Variants in NEK1 observed in about 807,000 individuals in gnomAD.
NEK1 encodes NIMA related kinase 1, also known as serine/threonine-protein kinase Nek1.
NEK1 carries 137 observed loss-of-function variants against 182.1 expected under a neutral mutation model. The observed-to-expected ratio is 0.75, with a 90% confidence interval of 0.65 to 0.87. The LOEUF (loss-of-function observed/expected upper bound fraction) is 0.87. Ranked by LOEUF, NEK1 falls within the 40% of genes least tolerant of loss-of-function variation. The pLI, the probability that NEK1 is intolerant of heterozygous loss-of-function variation, is 0.00. For synonymous variants in NEK1, 513 were observed against 492.2 expected, an observed-to-expected ratio of 1.04 and a Z score of -0.56; for missense variants, 1,391 against 1,494.4, an observed-to-expected ratio of 0.93 and a Z score of 1.14.
At chr4:169,561,758 A>AG in intron 14 of NEK1, 21 bp from the exon 15 acceptor site, 1 of 1,591,378 alleles carries the variant, frequency 6.3e-7, no homozygotes, top group East Asian at 2.3e-5. Context: ...TTTAAAGACA[A>AG]GCTTCTTACA....
intron 23 of NEK1, among the ~76,000 whole-genome samples, chr4:169,504,257 C>G (rs1252177960): frequency 6.6e-6 from 1 of 152,086 alleles, no homozygotes; most frequent in Non-Finnish European, 1.5e-5. Context: ...AAAGGGAACC[C>G]TCTTACACTC....
At chr4:169,572,751 A>G (rs919906126) in intron 12 of NEK1, among the ~76,000 whole-genome samples, 1 of 152,132 alleles carries the variant, frequency 6.6e-6, no homozygotes, top group South Asian at 2.1e-4. Flanking sequence ...AAATATTTCA[A>G]GAAGGAGGGG....
At chr4:169,565,238 C>G (rs1287321282) in intron 12 of NEK1, among the ~76,000 whole-genome samples, 1 of 152,100 alleles carries the variant, frequency 6.6e-6, no homozygotes, top group Non-Finnish European at 1.5e-5. Context: ...ATATATTTCC[C>G]ATCTGGACTC....
rs149524942 is a variant in NEK1, at chr4:169,408,911, C to A, written c.3223-2164G>T. Among the ~76,000 whole-genome samples the A allele has an allele frequency of 3.9e-3, 594 of 152,228 alleles. 5 individuals are homozygous for A. Among genetic ancestry groups the A allele is most frequent in the South Asian group, 0.029 (141 of 4,822 alleles). On this transcript the variant is annotated intron_variant, in intron 31 of 35. Transcript: ENST00000507142. ...GGTCGTTTCCATATCTTTGCAATTG[C>A]AAATTGTGCTGCTATAAACATGGGT...
chr4:169,529,113 C>A (rs1757307636), intron 19 of NEK1, among the ~76,000 whole-genome samples: 1 of 152,114 alleles, frequency 6.6e-6, no homozygotes, highest in Non-Finnish European at 1.5e-5. Context: ...TAGAATATGG[C>A]TACAGCAACG....
Position 169,426,153 on chromosome 4 carries a change from A to C in NEK1, c.2967T>G (p.Ile989Met), listed in dbSNP as rs1273195226. 5 of 1,612,258 alleles carry C rather than the reference A, an allele frequency of 3.1e-6. No homozygotes were observed. Among genetic ancestry groups the C allele is most frequent in the Middle Eastern group, 1.7e-4 (1 of 6,050 alleles). ...VSSTVDQLSD[I>M]HIEPGTNDSQ... ...TAATGCAATGATGCTTACCTATATG[A>C]ATGTCACTAAGTTGGTCCACAGTAC... Residue 989 changes from isoleucine (I) to methionine (M), a missense_variant, in exon 30 of 36, where the codon ATT becomes ATG. Ile to Met is a conservative substitution (Grantham distance 10). Around this residue, in one of 5 missense-constraint regions of NEK1, gnomAD observed 1,216 missense variants for 1,277.6 expected, o/e 0.95. Transcript: ENST00000507142.
Position 169,438,262 on chromosome 4 carries a change from G to A in NEK1, c.2588-3C>T. ...CTTTTCCCCTTCGGGAGAAATCTCT[G>A]TGAAAACAAAAAATAAAAAATCATG... On this transcript the variant is annotated splice_polypyrimidine_tract_variant and splice_region_variant and intron_variant, in intron 27 of 35. Coordinates refer to ENST00000507142, the MANE Select transcript of NEK1 (RefSeq NM_001199397.3). The A allele has an allele frequency of 2.0e-6, 3 of 1,518,732 alleles. No individual in the cohort carries two copies. The highest frequency in any genetic ancestry group is 2.7e-6 in the Non-Finnish European group (3 of 1,130,472). 94.1% of individuals were successfully genotyped at this position (1,518,732 alleles called of 1,614,324 possible). A position where few individuals can be genotyped will look rare whatever the true frequency, so the allele number is the denominator to read the frequency against.
At chr4:169,578,255 G>A (rs1766031946) in intron 11 of NEK1, among the ~76,000 whole-genome samples, 1 of 151,974 alleles carries the variant, frequency 6.6e-6, no homozygotes, top group Admixed American at 6.5e-5. Context: ...AGTCAGAGTA[G>A]AGTCTACATA....
chr4:169,515,667 C>A (rs1055291531), intron 19 of NEK1, among the ~76,000 whole-genome samples: 2 of 100,984 alleles, frequency 2.0e-5, no homozygotes, highest in Admixed American at 1.1e-4. Context: ...CCGACCCCAC[C>A]ACAGTCCCCA....
chr4:169,461,484 T>C (rs533425086), intron 27 of NEK1, among the ~76,000 whole-genome samples: 5 of 152,252 alleles, frequency 3.3e-5, no homozygotes, highest in Admixed American at 6.5e-5. Context: ...TGTGTTATCA[T>C]TAATAAAGGC....
At chr4:169,502,453 T>C (rs994303503) in intron 23 of NEK1, among the ~76,000 whole-genome samples, 8 of 152,040 alleles carry the variant, frequency 5.3e-5, no homozygotes, top group Non-Finnish European at 1.2e-4. Context: ...CAGGCCAATG[T>C]TGCTGATGAA....
intron 23 of NEK1, among the ~76,000 whole-genome samples, chr4:169,499,675 C>T (rs942621295): frequency 6.6e-6 from 1 of 152,082 alleles, no homozygotes. Flanking sequence ...CACTCCAGAC[C>T]GTTTGCCTGG....
At chr4:169,506,824 T>A in intron 23 of NEK1, 1 of 275,490 alleles carries the variant, frequency 3.6e-6, no homozygotes, top group Non-Finnish European at 6.6e-6. Flanking sequence ...TTCAAATCAA[T>A]CTCCCAAATA....
intron 19 of NEK1, among the ~76,000 whole-genome samples, chr4:169,535,944 A>C (rs1758424878): frequency 6.6e-6 from 1 of 151,858 alleles, no homozygotes; most frequent in Admixed American, 6.6e-5. Flanking sequence ...TTTGATGAAA[A>C]TCATAAACCA....
intron 31 of NEK1, among the ~76,000 whole-genome samples, chr4:169,414,417 T>C (rs1332075118): frequency 2.0e-5 from 3 of 152,142 alleles, no homozygotes; most frequent in Non-Finnish European, 4.4e-5. Flanking sequence ...CCAATAACCC[T>C]ATATAGAAAA....
chr4:169,438,402 TAA>T, intron 27 of NEK1, 143 bp from the exon 28 acceptor site: 1 of 595,986 alleles, frequency 1.7e-6, no homozygotes, highest in Admixed American at 3.1e-5. Context: ...TAGAAGTTAA[TAA>T]GTGACTACAG....
At chr4:169,411,748 T>C (rs915007741) in intron 31 of NEK1, among the ~76,000 whole-genome samples, 4 of 152,388 alleles carry the variant, frequency 2.6e-5, no homozygotes, top group Non-Finnish European at 5.9e-5. Context: ...AAAATGTTAC[T>C]ATTTTTAAAA....
chr4:169,569,439 CCTCTCT>C (rs1242727277), intron 12 of NEK1, among the ~76,000 whole-genome samples: 1 of 147,230 alleles, frequency 6.8e-6, no homozygotes, highest in South Asian at 2.2e-4. Flanking sequence ...TCTCCCTCTC[CCTCTCT>C]CCCTCCCTCC....
chr4:169,415,497 T>C (rs1480544030), intron 31 of NEK1, among the ~76,000 whole-genome samples: 1 of 151,270 alleles, frequency 6.6e-6, no homozygotes, highest in African/African-American at 2.5e-5. Context: ...TTGACTATCA[T>C]TTAAACAAAT....
Sources: gnomAD v4.1 joint callset for allele counts (sites outside exome capture counted in the v4.1 genomes callset) on GRCh38, gnomAD v4.1.1 for gene constraint, gnomAD v4.1.1 regional missense constraint, MANE v1.5 for transcripts, NCBI Gene and HGNC (gene_info 2026-07-23, HGNC 2026-07-21) for gene names.